The following COL12A1 variants were observed in gnomAD, a reference collection of about 807,000 sequenced individuals.
COL12A1 encodes collagen alpha-1(XII) chain.
COL12A1 carries 114 observed loss-of-function variants against 349.7 expected under a neutral mutation model. The ratio of observed to expected loss-of-function variants is 0.33; its 90% confidence interval spans 0.28 to 0.38. The LOEUF is 0.38. Among genes scored for constraint, COL12A1 ranks in the 10% least tolerant of loss-of-function variants. The pLI is 1.00. For missense variants in COL12A1, 3,284 were observed against 3,756.9 expected (o/e 0.87, Z 3.29); for synonymous variants, 1,369 against 1,329.0 (o/e 1.03, Z -0.66).
chr6:75,177,513 TTTAA>T, intron 12 of COL12A1, 146 bp downstream of exon 12: 1 of 841,308 alleles, frequency 1.2e-6, no homozygotes, highest in Non-Finnish European at 1.8e-6. Flanking sequence ...AAAAAAAAAT[TTTAA>T]CTTAAATCTA....
chr6:75,162,103 T>G (rs1287597069), intron 14 of COL12A1, among the ~76,000 whole-genome samples: 2 of 152,146 alleles, frequency 1.3e-5, no homozygotes, highest in South Asian at 4.1e-4. Context: ...TTTAATGCTA[T>G]CCCAATCAAG....
intron 37 of COL12A1, among the ~76,000 whole-genome samples, chr6:75,129,687 C>A (rs1766205290): frequency 1.3e-5 from 2 of 151,978 alleles, no homozygotes; most frequent in South Asian, 4.2e-4. Flanking sequence ...TTAAGGGAGA[C>A]CTTGTAGAGG....
rs1412844573 is a variant in COL12A1 at position 75,113,222 on chromosome 6, A to T, written c.7932T>A (p.Phe2644Leu). 9 of 1,550,118 alleles carry T rather than the reference A, an allele frequency of 5.8e-6. No homozygotes were observed. The change falls in exon 51 of 66, where the codon TTT becomes TTA. Residue 2644 changes from phenylalanine (F) to leucine (L), a missense_variant. Physicochemically the swap from Phe to Leu is conservative, Grantham distance 22. Around this residue, in one of 2 missense-constraint regions of COL12A1, gnomAD observed 683 missense variants for 932.1 expected, o/e 0.73. Coordinates refer to ENST00000322507, the MANE Select transcript of COL12A1 (RefSeq NM_004370.6). ...TFDTEEVKTL[F>L]YGSFHKVHIV... ...TTTTTACCTTGTGAAAACTTCCATA[A>T]AATAATGTCTTTACTTCTTCTGTGT...
chr6:75,173,871 C>A (rs1186418149), intron 13 of COL12A1, among the ~76,000 whole-genome samples: 2 of 152,080 alleles, frequency 1.3e-5, no homozygotes, highest in African/African-American at 4.8e-5. Flanking sequence ...ACTTCAGATT[C>A]ATTTTCTTCC....
At chr6:75,167,633 T>C (rs538510715) in intron 13 of COL12A1, among the ~76,000 whole-genome samples, 2 of 152,296 alleles carry the variant, frequency 1.3e-5, no homozygotes, top group East Asian at 3.9e-4. Context: ...ATCAATCTCA[T>C]AAACACAGGC....
chr6:75,184,640 T>C (rs1471920608), intron 8 of COL12A1, among the ~76,000 whole-genome samples: 1 of 152,208 alleles, frequency 6.6e-6, no homozygotes, highest in African/African-American at 2.4e-5. Flanking sequence ...TGACAGGTTC[T>C]TATAATTTTA....
chr6:75,185,925 T>G (rs895478971), intron 8 of COL12A1, among the ~76,000 whole-genome samples: 3 of 152,144 alleles, frequency 2.0e-5, no homozygotes, highest in Admixed American at 6.5e-5. Context: ...CGCAAAAGAC[T>G]GAATCTGGAC....
chr6:75,112,244 G>A (rs1768875775), intron 51 of COL12A1, among the ~76,000 whole-genome samples: 1 of 151,656 alleles, frequency 6.6e-6, no homozygotes, highest in Non-Finnish European at 1.5e-5. Flanking sequence ...GAGAGGATCA[G>A]AAAAAATAAC....
At chr6:75,204,121 G>C (rs1486625631) in intron 1 of COL12A1, among the ~76,000 whole-genome samples, 1 of 152,094 alleles carries the variant, frequency 6.6e-6, no homozygotes, top group East Asian at 1.9e-4. Context: ...TAAAATTTTG[G>C]CACTGCCCTA....
rs749610874 is a variant in COL12A1, at chr6:75,130,865, G to T, written c.6054C>A (p.Ala2018=). 6.2e-7 allele frequency: 1 copy of T among 1,613,994 alleles called. No homozygotes were observed. Among genetic ancestry groups the T allele is most frequent in the East Asian group, 2.2e-5 (1 of 44,854 alleles). The stretch of plus-strand genomic sequence containing the variant: ...TTTCTGCCTCACGCGTTCGGCCCTG[G>T]GCAGGGCTGGGATTTCCCTCTCCAT... ...YSDGEGNPSP[A]QGRTLPRSGP... is the part of the protein sequence containing the mutation. The change falls in exon 36 of 66, where the codon GCC becomes GCA. Residue 2018 remains alanine (A), a synonymous_variant. Transcript: ENST00000322507.
At position 75,169,051 on chromosome 6, in the gene COL12A1, T is replaced by A. The variant is rs3777503; in HGVS notation, c.2711-3272A>T. ...CCATGGACACATGTGGGATGTTCAC[T>A]GCTCTCTTCTCCCCTCCATCTTGTC... is the stretch of plus-strand genomic sequence containing the variant. On this transcript the variant is annotated intron_variant, in intron 13 of 65. Transcript: ENST00000322507. Among the ~76,000 whole-genome samples, 1,203 of 152,290 alleles carry A rather than the reference T, an allele frequency of 7.9e-3. 46 individuals carry two copies. In the East Asian group the frequency reaches 0.13, roughly 16 times the overall value.
At chr6:75,134,165 A>G (rs905291794) in intron 32 of COL12A1, among the ~76,000 whole-genome samples, 168 bp from the exon 33 acceptor site, 5 of 152,244 alleles carry the variant, frequency 3.3e-5, no homozygotes, top group Non-Finnish European at 2.9e-5. Context: ...AGCCTGATGC[A>G]TATGTCTCAT....
At position 75,165,574 on chromosome 6, in the gene COL12A1, T is replaced by C; in HGVS notation, c.2916A>G (p.Arg972=). 1 of 1,613,992 alleles carries C rather than the reference T, an allele frequency of 6.2e-7. No individual in the cohort carries two copies. The highest frequency in any genetic ancestry group is 8.5e-7 in the Non-Finnish European group (1 of 1,179,908). ...IENLQPETKY[R]ISVFATYSSG... is the part of the protein sequence containing the mutation. ...TGCTGTAAGTGGCAAATACTGAAAT[T>C]CTGTATTTGGTCTCTGGCTGCAGAT... The change falls in exon 14 of 66, where the codon AGA becomes AGG. Residue 972 remains arginine (R), a synonymous_variant. Coordinates refer to ENST00000322507, the MANE Select transcript of COL12A1 (RefSeq NM_004370.6).
At chr6:75,145,160 A>C (rs1458516335) in intron 25 of COL12A1, among the ~76,000 whole-genome samples, 166 bp downstream of exon 25, 1 of 152,254 alleles carries the variant, frequency 6.6e-6, no homozygotes, top group Non-Finnish European at 1.5e-5. Flanking sequence ...AGATGCCTCC[A>C]TAAATCTAGA....
intron 27 of COL12A1, among the ~76,000 whole-genome samples, chr6:75,140,794 C>CTAA (rs1430544049): frequency 6.6e-6 from 1 of 151,888 alleles, no homozygotes; most frequent in African/African-American, 2.4e-5. Flanking sequence ...AGGTTCCAGA[C>CTAA]TATAGTATCA....
At position 75,091,312 on chromosome 6, in the gene COL12A1, A is replaced by G. The variant is rs201582509; in HGVS notation, c.8752+11T>C. The G allele has an allele frequency of 6.2e-7, 1 of 1,609,586 alleles. No homozygotes were observed. Among genetic ancestry groups the G allele is most frequent in the Non-Finnish European group, 8.5e-7 (1 of 1,178,380 alleles). On this transcript the variant is annotated intron_variant, in intron 62 of 65. Transcript: ENST00000322507. ...AAACAATTCATACAGTAAAAAGAAA[A>G]GAAATTTTACCACTTATCAATTGTT...
In COL12A1 at chr6:75,155,864, C is replaced by T. The variant is rs781585777; in HGVS notation, c.3251-10G>A. 1 of 1,575,956 alleles carries T rather than the reference C, an allele frequency of 6.3e-7. No individual in the cohort carries two copies. Among genetic ancestry groups the T allele is most frequent in the Non-Finnish European group, 8.6e-7 (1 of 1,168,182 alleles). ...GACTTAAACCGAGAAGCTGTAAAGA[C>T]AAAAAGATTTTTAAAATATTATCTG... On this transcript the variant is annotated splice_polypyrimidine_tract_variant and intron_variant, in intron 15 of 65. Coordinates refer to ENST00000322507, the MANE Select transcript of COL12A1 (RefSeq NM_004370.6).
chr6:75,183,869 T>C lies in COL12A1; in HGVS notation c.1273A>G (p.Met425Val), dbSNP rs2149466974. The change falls in exon 9 of 66, where the codon ATG becomes GTG. Residue 425 changes from methionine to valine, a missense_variant. By Grantham distance (21) the Met-to-Val change is conservative. Transcript: ENST00000322507. The stretch of plus-strand genomic sequence containing the variant: ...ATTGACTTACCCACTTGAACTTTCA[T>C]TGGCTGAGTCTTCTCCATTATTGAA... ...PISIMEKTQP[M>V]KVQVECSRGV... 2 of 1,614,132 alleles carry C rather than the reference T, an allele frequency of 1.2e-6. No homozygotes were observed. Among genetic ancestry groups the C allele is most frequent in the Non-Finnish European group, 1.7e-6 (2 of 1,179,948 alleles).
chr6:75,130,826 G>C, intron 36 of COL12A1, 26 bp downstream of exon 36: 2 of 1,613,714 alleles, frequency 1.2e-6, no homozygotes, highest in Non-Finnish European at 1.7e-6. Flanking sequence ...CAAGGGAATG[G>C]AATGGAGAAA....
Sources: allele counts gnomAD v4.1 joint callset (sites outside exome capture counted in the v4.1 genomes callset), GRCh38; gene constraint gnomAD v4.1.1; regional missense constraint gnomAD v4.1.1; transcripts MANE v1.5; gene names NCBI Gene and HGNC (gene_info 2026-07-23, HGNC 2026-07-21).